Variants in DDX19B observed in about 807,000 individuals in gnomAD.
DDX19B encodes the protein DEAD-box helicase 19B.
Under a neutral mutation model 58.1 loss-of-function variants are expected in DDX19B, and 27 were observed. The observed-to-expected ratio is 0.46, with a 90% CI of 0.34 to 0.64. The LOEUF (loss-of-function observed/expected upper bound fraction) is 0.64. Among genes scored for constraint, DDX19B ranks in the 30% least tolerant of loss-of-function variants. The probability of loss-of-function intolerance (pLI) is 0.01; values close to 1 mark genes in which losing one functional copy is unlikely to be tolerated. For synonymous variants in DDX19B, 187 were observed against 214.4 expected, an observed-to-expected ratio of 0.87 and a Z score of 1.12; for missense variants, 399 against 596.5, an observed-to-expected ratio of 0.67 and a Z score of 3.45.
chr16:70,318,498 A>C (rs35567919), intron 5 of DDX19B, among the ~76,000 whole-genome samples: 44,509 of 152,012 alleles, frequency 0.29, 8,043 homozygotes, highest in Non-Finnish European at 0.39. Flanking sequence ...CTTTTAAAAA[A>C]GTTGACATAT....
In DDX19B at chr16:70,334,956, T is replaced by C. The variant is rs1248336421; in HGVS notation, c.*1374T>C. On this transcript the variant is annotated 3_prime_UTR_variant, in exon 12 of 12. Transcript: ENST00000288071. ...TTTCTCTAGGACCTGGAAGAAGAGT[T>C]TGATGGCTAAGAACGATTGTGATCC... 1 of 152,216 alleles carries C rather than the reference T, an allele frequency of 6.6e-6. No homozygotes were observed. The highest frequency in any genetic ancestry group is 2.4e-5 in the African/African-American group (1 of 41,446). 9.4% of individuals were successfully genotyped at this position (152,216 alleles called of 1,614,324 possible). A position where few individuals can be genotyped will look rare whatever the true frequency, so the allele number is the denominator to read the frequency against.
intron 2 of DDX19B, among the ~76,000 whole-genome samples, chr16:70,314,059 A>T (rs1160297834): frequency 6.6e-6 from 1 of 152,090 alleles, no homozygotes; most frequent in Non-Finnish European, 1.5e-5. Flanking sequence ...CAGTGAGCTG[A>T]GATCGCACCA....
At chr16:70,305,146 C>T (rs1015240125) in intron 1 of DDX19B, among the ~76,000 whole-genome samples, 1 of 152,158 alleles carries the variant, frequency 6.6e-6, no homozygotes, top group Non-Finnish European at 1.5e-5. Flanking sequence ...CTGACCTTAA[C>T]TATATATCTT....
intron 9 of DDX19B, among the ~76,000 whole-genome samples, chr16:70,331,403 T>C (rs1963471848): frequency 6.6e-6 from 1 of 152,198 alleles, no homozygotes; most frequent in East Asian, 1.9e-4. Context: ...TCTTCCTAGA[T>C]ACAAAAGTAA....
intron 5 of DDX19B, among the ~76,000 whole-genome samples, chr16:70,322,154 T>C (rs1036463436): frequency 6.6e-6 from 1 of 152,174 alleles, no homozygotes; most frequent in Non-Finnish European, 1.5e-5. Context: ...GAGACCAGCC[T>C]GGGCAGCACA....
chr16:70,307,683 GTGTGTGTGTGTATGTATATA>G (rs1184825938), intron 1 of DDX19B, among the ~76,000 whole-genome samples: 2 of 151,208 alleles, frequency 1.3e-5, no homozygotes, highest in East Asian at 2.0e-4. Context: ...ATATGTGTGT[GTGTGTGTGTGTATGTATATA>G]TGTGTGTGTG....
At chr16:70,332,884 T>C in intron 10 of DDX19B, 84 bp from the exon 11 acceptor site, 1 of 1,612,594 alleles carries the variant, frequency 6.2e-7, no homozygotes, top group South Asian at 1.1e-5. Context: ...TAATGCTGAG[T>C]CATGCTCCAT....
chr16:70,333,492 G>C (rs764604502), intron 11 of DDX19B, 29 bp from the exon 12 acceptor site: 2 of 1,614,014 alleles, frequency 1.2e-6, no homozygotes, highest in South Asian at 1.1e-5. Context: ...TTCCTGGGCA[G>C]GGTAGAGACC....
chr16:70,297,960 C>T (rs369980841), upstream of DDX19B, among the ~76,000 whole-genome samples: 4 of 152,200 alleles, frequency 2.6e-5, no homozygotes, highest in African/African-American at 9.6e-5. Context: ...TTCAAGCGAT[C>T]CTCCCACCTC....
intron 9 of DDX19B, 71 bp from the exon 10 acceptor site, chr16:70,331,651 C>T (rs780469856): frequency 1.3e-6 from 2 of 1,542,242 alleles, no homozygotes; most frequent in Non-Finnish European, 1.7e-6. Flanking sequence ...CGTGGCAAGC[C>T]ACTTTTTAGC....
intron 1 of DDX19B, among the ~76,000 whole-genome samples, chr16:70,305,513 A>G (rs1353041829): frequency 6.6e-6 from 1 of 152,240 alleles, no homozygotes; most frequent in Admixed American, 6.5e-5. Context: ...GAAATTGCAT[A>G]CTTTACTGTT....
intron 9 of DDX19B, 149 bp from the exon 10 acceptor site, chr16:70,331,573 A>G (rs1448250221): frequency 9.4e-7 from 1 of 1,062,584 alleles, no homozygotes; most frequent in Non-Finnish European, 1.3e-6. Context: ...GTGTACTACC[A>G]TGCTTCATTG....
chr16:70,321,125 G>C (rs952313006), intron 5 of DDX19B, among the ~76,000 whole-genome samples: 1 of 151,338 alleles, frequency 6.6e-6, no homozygotes, highest in Admixed American at 6.6e-5. Flanking sequence ...ACCATGCCTG[G>C]CTAATTTTGT....
chr16:70,290,012 C>A, upstream of DDX19B: 1 of 295,066 alleles, frequency 3.4e-6, no homozygotes, highest in Non-Finnish European at 6.9e-6. Flanking sequence ...AGTTCAGGTA[C>A]GATTGGATCA....
At chr16:70,325,459 T>C in intron 6 of DDX19B, 115 bp from the exon 7 acceptor site, 1 of 699,972 alleles carries the variant, frequency 1.4e-6, no homozygotes, top group Non-Finnish European at 2.5e-6. Context: ...TACATTTTAA[T>C]GTACATATTC....
At chr16:70,292,879 G>A (rs1392916864), upstream of DDX19B, among the ~76,000 whole-genome samples, 2 of 152,026 alleles carry the variant, frequency 1.3e-5, no homozygotes, top group South Asian at 2.1e-4. Flanking sequence ...GCCGAGGCGG[G>A]CAGATCACCT....
At chr16:70,290,015 T>C (rs1961017592), upstream of DDX19B, 1 of 309,276 alleles carries the variant, frequency 3.2e-6, no homozygotes, top group South Asian at 2.5e-5. Context: ...TCAGGTACGA[T>C]TGGATCAGCA....
At chr16:70,315,519 A>G (rs527265871) in intron 3 of DDX19B, 2 of 155,694 alleles carry the variant, frequency 1.3e-5, no homozygotes, top group African/African-American at 4.8e-5. Context: ...TTTCAGTTGC[A>G]TCTCTATTGT....
At chr16:70,311,544 T>C (rs1016878910) in intron 1 of DDX19B, among the ~76,000 whole-genome samples, 1 of 152,184 alleles carries the variant, frequency 6.6e-6, no homozygotes, top group African/African-American at 2.4e-5. Flanking sequence ...AGGAAGGTAT[T>C]TGCATTCTAA....
Sources: gnomAD v4.1 joint callset for allele counts (sites outside exome capture counted in the v4.1 genomes callset) on GRCh38, gnomAD v4.1.1 for gene constraint, MANE v1.5 for transcripts, NCBI Gene and HGNC (gene_info 2026-07-23, HGNC 2026-07-21) for gene names.